Variants in F13A1 observed in about 807,000 individuals in gnomAD.
F13A1 encodes the protein coagulation factor XIII A chain.
A neutral mutation model predicts 80.1 loss-of-function variants in F13A1; 47 were observed. The ratio of observed to expected loss-of-function variants is 0.59; its 90% CI spans 0.46 to 0.75. The LOEUF is 0.75. Ranked by LOEUF, F13A1 falls within the 30% of genes least tolerant of loss-of-function variation. The pLI, the probability that F13A1 is intolerant of heterozygous loss-of-function variation, is 0.00. For synonymous variants in F13A1, 349 were observed against 344.9 expected (o/e 1.01, Z -0.13); for missense variants, 817 against 930.4 (o/e 0.88, Z 1.59).
At chr6:6,197,464 G>A in intron 8 of F13A1, 138 bp from the exon 9 acceptor site, 1 of 763,662 alleles carries the variant, frequency 1.3e-6, no homozygotes, top group Non-Finnish European at 2.3e-6. Flanking sequence ...TGAGTCACAA[G>A]GTCAAGACAT....
At chr6:6,187,706 T>C (rs1761105021) in intron 10 of F13A1, among the ~76,000 whole-genome samples, 3 of 91,386 alleles carry the variant, frequency 3.3e-5, no homozygotes, top group South Asian at 4.1e-4. Flanking sequence ...TGTCTCTGCC[T>C]GGCTTTGGTA....
chr6:6,151,750 C>T, intron 14 of F13A1, 63 bp downstream of exon 14: 1 of 1,606,500 alleles, frequency 6.2e-7, no homozygotes, highest in Non-Finnish European at 8.5e-7. Context: ...GGAAAAGACA[C>T]ACACAGAGAA....
intron 10 of F13A1, among the ~76,000 whole-genome samples, chr6:6,192,183 G>A (rs1329613136): frequency 2.6e-5 from 4 of 152,204 alleles, no homozygotes; most frequent in African/African-American, 9.7e-5. Flanking sequence ...AAGTGGAAGG[G>A]AAGCCATGGA....
Position 6,268,995 on chromosome 6 carries a change from G to T in F13A1, c.320-2186C>A, listed in dbSNP as rs999922680. On this transcript the variant is annotated intron_variant, in intron 3 of 14. Transcript: ENST00000264870. ...TGTGAGCCACCATGCCTGGCAAATT[G>T]TTTTTTTTTTTTAAGTATAACTTCT... 2.8e-4 allele frequency among the ~76,000 whole-genome samples: 40 copies of T among 144,366 alleles called. No individual in the cohort carries two copies. The South Asian group carries it at 7.7e-3, about 28-fold the overall frequency. The allele number at this position is 144,366 out of a possible 152,430, so 94.7% of individuals were successfully genotyped here.
At chr6:6,315,634 T>C (rs1046730975) in intron 2 of F13A1, among the ~76,000 whole-genome samples, 1 of 152,192 alleles carries the variant, frequency 6.6e-6, no homozygotes, top group African/African-American at 2.4e-5. Context: ...GACTCACTGC[T>C]ACAGAACTAT....
intron 8 of F13A1, among the ~76,000 whole-genome samples, chr6:6,204,334 A>G (rs1761449935): frequency 6.6e-6 from 1 of 152,242 alleles, no homozygotes; most frequent in Non-Finnish European, 1.5e-5. Context: ...GAGCACAAAT[A>G]AGATCAAGAG....
chr6:6,262,968 C>T (rs1393845145), intron 4 of F13A1, among the ~76,000 whole-genome samples: 1 of 151,566 alleles, frequency 6.6e-6, no homozygotes, highest in Non-Finnish European at 1.5e-5. Flanking sequence ...CAGTCCAGAG[C>T]AATTACATCA....
At position 6,306,695 on chromosome 6, in the gene F13A1, G is replaced by T. The variant is rs535515100; in HGVS notation, c.131-1156C>A. Among the ~76,000 whole-genome samples, 7 of 152,372 alleles carry T rather than the reference G, an allele frequency of 4.6e-5. No homozygotes were observed. The South Asian group carries it at 1.4e-3, about 32-fold the overall frequency. On this transcript the variant is annotated intron_variant, in intron 2 of 14. Coordinates refer to ENST00000264870, the MANE Select transcript of F13A1 (RefSeq NM_000129.4). ...GGAGGGTAGAAGGGTCGGCAGGGGTGCCCTGGCCTCTTGCCCTCCCCCTCC... is the reference window on the plus strand; with the variant it reads ...GGAGGGTAGAAGGGTCGGCAGGGGTTCCCTGGCCTCTTGCCCTCCCCCTCC...
intron 13 of F13A1, 41 bp downstream of exon 13, chr6:6,167,417 G>T (rs375508103): frequency 9.3e-6 from 15 of 1,606,016 alleles, no homozygotes; most frequent in African/African-American, 1.4e-5. Context: ...CTAAGTCTGC[G>T]TGCCTTTGTC....
chr6:6,207,950 A>G (rs1198313712), intron 8 of F13A1, among the ~76,000 whole-genome samples: 2 of 152,232 alleles, frequency 1.3e-5, no homozygotes, highest in African/African-American at 4.8e-5. Context: ...TCTGATTTTA[A>G]GAATTGCCAC....
intron 1 of F13A1, 87 bp downstream of exon 1, chr6:6,320,500 G>A (rs1232773938): frequency 2.7e-6 from 1 of 371,886 alleles, no homozygotes; most frequent in Non-Finnish European, 5.6e-6. Context: ...CCCAGAGCAA[G>A]CCGCTTGCTG....
chr6:6,241,249 G>A lies in F13A1; in HGVS notation c.798+7063C>T, dbSNP rs535114924. Reference sequence around the variant, plus strand: ...ACATCTGGCAGTGGTCACCACCTGGGGAATTTTGACCTCTAGGCATCTGTG... The same window carrying A: ...ACATCTGGCAGTGGTCACCACCTGGAGAATTTTGACCTCTAGGCATCTGTG... On this transcript the variant is annotated intron_variant, in intron 6 of 14. Transcript: ENST00000264870. 7.2e-5 allele frequency among the ~76,000 whole-genome samples: 11 copies of A among 152,258 alleles called. No homozygotes were observed. In the East Asian group the frequency reaches 2.1e-3, roughly 29 times the overall value.
chr6:6,212,739 G>T (rs1761641965), intron 8 of F13A1, among the ~76,000 whole-genome samples: 1 of 152,188 alleles, frequency 6.6e-6, no homozygotes, highest in Non-Finnish European at 1.5e-5. Context: ...CCGAGCTACG[G>T]GAGGACATTC....
intron 2 of F13A1, 25 bp from the exon 3 acceptor site, chr6:6,305,564 G>A (rs1442339604): frequency 3.7e-6 from 6 of 1,611,504 alleles, no homozygotes; most frequent in East Asian, 2.2e-5. Flanking sequence ...AACAAGGGTT[G>A]AAGAAAATAA....
chr6:6,237,138 T>C (rs1302383356), intron 6 of F13A1, among the ~76,000 whole-genome samples: 1 of 152,162 alleles, frequency 6.6e-6, no homozygotes, highest in Non-Finnish European at 1.5e-5. Context: ...TTGGATTCAA[T>C]TGCTGTTTGA....
At chr6:6,204,423 G>C (rs932418927) in intron 8 of F13A1, among the ~76,000 whole-genome samples, 3 of 152,250 alleles carry the variant, frequency 2.0e-5, no homozygotes, top group Non-Finnish European at 1.5e-5. Flanking sequence ...AAACTGGCAG[G>C]GGGTGAAAGA....
At chr6:6,201,656 G>T (rs988153083) in intron 8 of F13A1, among the ~76,000 whole-genome samples, 2 of 152,124 alleles carry the variant, frequency 1.3e-5, no homozygotes, top group African/African-American at 4.8e-5. Flanking sequence ...TATATCCCAA[G>T]TTCCTCCATG....
At chr6:6,287,282 T>G (rs1758151519) in intron 3 of F13A1, among the ~76,000 whole-genome samples, 2 of 152,244 alleles carry the variant, frequency 1.3e-5, no homozygotes, top group Non-Finnish European at 2.9e-5. Flanking sequence ...TTAGAATTTA[T>G]GTGGAAAAGC....
At chr6:6,294,717 T>C (rs1758292832) in intron 3 of F13A1, among the ~76,000 whole-genome samples, 1 of 126,870 alleles carries the variant, frequency 7.9e-6, no homozygotes, top group African/African-American at 2.6e-5. Context: ...GAGATTCTTT[T>C]TTTTTTAGTC....
Sources: gnomAD v4.1 joint callset for allele counts (sites outside exome capture counted in the v4.1 genomes callset) on GRCh38, gnomAD v4.1.1 for gene constraint, MANE v1.5 for transcripts, NCBI Gene and HGNC (gene_info 2026-07-23, HGNC 2026-07-21) for gene names.